CRYM: variants seen among roughly 807,000 people sequenced by gnomAD.
The protein encoded by CRYM is ketimine reductase mu-crystallin.
In CRYM, 18 loss-of-function variants were observed where a neutral mutation model predicts 32.9. The observed-to-expected ratio is 0.55, with a 90% CI of 0.38 to 0.81. The LOEUF is 0.81. Ranked by LOEUF, CRYM falls within the 30% of genes least tolerant of loss-of-function variation. The probability of loss-of-function intolerance (pLI) is 0.00; values close to 1 mark genes in which losing one functional copy is unlikely to be tolerated. For synonymous variants in CRYM, 153 were observed against 152.4 expected, an observed-to-expected ratio of 1.00 and a Z score of -0.03; for missense variants, 337 against 393.5, an observed-to-expected ratio of 0.86 and a Z score of 1.21.
In CRYM at chr16:21,283,713, C is replaced by T. The variant is rs140858237; in HGVS notation, c.-192-4753G>A. 9.2e-3 allele frequency: 1,396 copies of T among 152,082 alleles called. 17 individuals are homozygous for T. The highest frequency in any genetic ancestry group is 0.027 in the Middle Eastern group (8 of 294). 9.4% of individuals were successfully genotyped at this position (152,082 alleles called of 1,614,324 possible). A position where few individuals can be genotyped will look rare whatever the true frequency, so the allele number is the denominator to read the frequency against. ...GTGGCGCTCCCGGCTCCTCCGCGCG[C>T]CCCCGGCACCTTCCGCGCGTCCCCG... On this transcript the variant is annotated intron_variant, in intron 1 of 9. Coordinates refer to the CRYM transcript ENST00000219599.
chr16:21,283,957 G>A (rs2093403001), intron 1 of CRYM: 1 of 152,792 alleles, frequency 6.5e-6, no homozygotes, highest in South Asian at 2.1e-4. Context: ...GCGGCGGCGA[G>A]GCTTGAGCAG....
At chr16:21,290,733 A>AAT (rs1960626285) in intron 1 of CRYM, among the ~76,000 whole-genome samples, 1 of 152,116 alleles carries the variant, frequency 6.6e-6, no homozygotes, top group Non-Finnish European at 1.5e-5. Context: ...TACATATTTA[A>AAT]TTTAGTATTT....
chr16:21,284,585 A>G (rs912653313), intron 1 of CRYM, among the ~76,000 whole-genome samples: 1 of 152,076 alleles, frequency 6.6e-6, no homozygotes, highest in Admixed American at 6.6e-5. Flanking sequence ...CTCCAGCTGC[A>G]TCTACATTGC....
At chr16:21,280,689 T>TA (rs1202121387), upstream of CRYM, among the ~76,000 whole-genome samples, 1 of 152,158 alleles carries the variant, frequency 6.6e-6, no homozygotes, top group Non-Finnish European at 1.5e-5. Flanking sequence ...CCCTTACACT[T>TA]AAAGAAAAAA....
intron 1 of CRYM, among the ~76,000 whole-genome samples, chr16:21,301,712 A>G (rs893436153): frequency 1.3e-5 from 2 of 152,310 alleles, no homozygotes; most frequent in South Asian, 2.1e-4. Flanking sequence ...CGCTCCGCGC[A>G]CTGCGCGCCC....
At position 21,267,581 on chromosome 16, in the gene CRYM, A is replaced by G; in HGVS notation, c.646T>C (p.Trp216Arg). The change falls in exon 5 of 8, where the codon TGG becomes CGG. Residue 216 changes from tryptophan (W) to arginine (R), a missense_variant. Trp to Arg is a moderately radical substitution (Grantham distance 101). Transcript: ENST00000572914. Reference sequence around the variant, plus strand: ...TTGATGTGAGCCCCTGGCTTCACCCATTCACCAAACAAAATGGGCTCTGTT... The same window carrying G: ...TTGATGTGAGCCCCTGGCTTCACCCGTTCACCAAACAAAATGGGCTCTGTT... ...LATEPILFGE[W>R]VKPGAHINAV... 1 of 1,614,056 alleles carries G rather than the reference A, an allele frequency of 6.2e-7. No individual in the cohort carries two copies. The highest frequency in any genetic ancestry group is 8.5e-7 in the Non-Finnish European group (1 of 1,180,024).
chr16:21,276,323 A>T (rs1275480523), intron 2 of CRYM, among the ~76,000 whole-genome samples: 1 of 152,152 alleles, frequency 6.6e-6, no homozygotes, highest in South Asian at 2.1e-4. Flanking sequence ...CTACCCCCCT[A>T]GGGAACCGCT....
Sources: gnomAD v4.1 joint callset for allele counts (sites outside exome capture counted in the v4.1 genomes callset) on GRCh38, gnomAD v4.1.1 for gene constraint, MANE v1.5 for transcripts, NCBI Gene and HGNC (gene_info 2026-07-23, HGNC 2026-07-21) for gene names.